SERGEF: variants seen among roughly 807,000 people sequenced by gnomAD.
SERGEF encodes the protein secretion-regulating guanine nucleotide exchange factor.
Under a neutral mutation model 50.0 loss-of-function variants are expected in SERGEF, and 51 were observed. The ratio of observed to expected loss-of-function variants is 1.02; its 90% CI spans 0.81 to 1.29. SERGEF has a LOEUF of 1.29. Among genes scored for constraint, SERGEF ranks in the 50% most tolerant of loss-of-function variants. SERGEF has a pLI of 0.00. For synonymous variants in SERGEF, 205 were observed against 212.4 expected (o/e 0.97, Z 0.30); for missense variants, 521 against 557.0 (o/e 0.94, Z 0.65).
At chr11:17,830,490 A>T (rs1037189129) in intron 10 of SERGEF, among the ~76,000 whole-genome samples, 25 of 151,920 alleles carry the variant, frequency 1.6e-4, no homozygotes, top group African/African-American at 6.0e-4. Context: ...GCATCTGGTG[A>T]GGGCCTTCCT....
chr11:17,998,236 A>AC (rs1853877394), intron 5 of SERGEF, among the ~76,000 whole-genome samples: 1 of 151,138 alleles, frequency 6.6e-6, no homozygotes, highest in South Asian at 2.1e-4. Context: ...ACATACCAAG[A>AC]CCCCATCTCT....
intron 9 of SERGEF, among the ~76,000 whole-genome samples, chr11:17,947,150 T>A (rs1403919653): frequency 6.6e-6 from 1 of 152,168 alleles, no homozygotes; most frequent in East Asian, 1.9e-4. Context: ...CAATAACAAA[T>A]CCCAACCATT....
At chr11:17,876,867 C>A (rs1851244533) in intron 10 of SERGEF, among the ~76,000 whole-genome samples, 1 of 152,216 alleles carries the variant, frequency 6.6e-6, no homozygotes, top group Non-Finnish European at 1.5e-5. Flanking sequence ...TACACCCAGG[C>A]CGAAGCAGTT....
chr11:17,958,680 T>C (rs1194080961), intron 9 of SERGEF, among the ~76,000 whole-genome samples: 3 of 152,158 alleles, frequency 2.0e-5, no homozygotes, highest in African/African-American at 4.8e-5. Flanking sequence ...AGATACCCAA[T>C]GCTCCAGCCA....
Position 17,993,010 on chromosome 11 carries a change from G to A in SERGEF, c.623-17C>T, listed in dbSNP as rs1470577497. 2 of 1,610,152 alleles carry A rather than the reference G, an allele frequency of 1.2e-6. No homozygotes were observed. Among genetic ancestry groups the A allele is most frequent in the African/African-American group, 1.3e-5 (1 of 74,840 alleles). On this transcript the variant is annotated splice_polypyrimidine_tract_variant and intron_variant, in intron 6 of 10. Transcript: ENST00000265965. Reference sequence around the variant, plus strand: ...TCTCTAGACCTACAAAAGAAAAAATGTTCTTCTGAATTACATTTATAACAG... The same window carrying A: ...TCTCTAGACCTACAAAAGAAAAAATATTCTTCTGAATTACATTTATAACAG...
chr11:17,838,991 T>C (rs376599345), intron 10 of SERGEF, among the ~76,000 whole-genome samples: 1 of 152,200 alleles, frequency 6.6e-6, no homozygotes, highest in Non-Finnish European at 1.5e-5. Context: ...TCTCTTAATC[T>C]GAATAAAAGG....
chr11:17,918,811 A>C, intron 9 of SERGEF: 1 of 401,910 alleles, frequency 2.5e-6, no homozygotes, highest in Non-Finnish European at 4.9e-6. Flanking sequence ...GATTAGGCAA[A>C]AAGCACTCCT....
At chr11:17,843,912 A>G (rs549459229) in intron 10 of SERGEF, among the ~76,000 whole-genome samples, 13 of 152,196 alleles carry the variant, frequency 8.5e-5, no homozygotes, top group Non-Finnish European at 1.9e-4. Flanking sequence ...GAAGACAACT[A>G]CTCAAAACCT....
chr11:17,804,494 T>G (rs530419599), intron 10 of SERGEF, among the ~76,000 whole-genome samples: 1 of 152,334 alleles, frequency 6.6e-6, no homozygotes, highest in South Asian at 2.1e-4. Flanking sequence ...ATTCAATCAT[T>G]CATTTATTCA....
At chr11:17,904,091 A>C (rs1851796679) in intron 9 of SERGEF, among the ~76,000 whole-genome samples, 1 of 152,228 alleles carries the variant, frequency 6.6e-6, no homozygotes. Context: ...GGATTGGGAT[A>C]GTAGCAAAGC....
chr11:17,905,219 A>G (rs1851815657), intron 9 of SERGEF, among the ~76,000 whole-genome samples: 1 of 152,256 alleles, frequency 6.6e-6, no homozygotes, highest in South Asian at 2.1e-4. Flanking sequence ...TTTCTCTTCA[A>G]AAGCGAAAGA....
chr11:17,833,653 AC>A (rs1410990860), intron 10 of SERGEF, among the ~76,000 whole-genome samples: 6 of 152,204 alleles, frequency 3.9e-5, no homozygotes, highest in Non-Finnish European at 7.3e-5. Context: ...CTGCAAATCC[AC>A]AGGGGTGGAG....
At chr11:17,951,158 A>G (rs1852766484) in intron 9 of SERGEF, among the ~76,000 whole-genome samples, 2 of 152,316 alleles carry the variant, frequency 1.3e-5, no homozygotes, top group East Asian at 3.9e-4. Flanking sequence ...CGATTAAGAC[A>G]AAACAGCAGC....
At chr11:17,852,601 A>G (rs1485878555) in intron 10 of SERGEF, among the ~76,000 whole-genome samples, 1 of 152,246 alleles carries the variant, frequency 6.6e-6, no homozygotes, top group Non-Finnish European at 1.5e-5. Flanking sequence ...TAAGTGATAA[A>G]AATGTCATAA....
At chr11:17,885,306 C>T (rs770281903) in intron 9 of SERGEF, among the ~76,000 whole-genome samples, 3 of 152,128 alleles carry the variant, frequency 2.0e-5, no homozygotes, top group Non-Finnish European at 4.4e-5. Flanking sequence ...TTCTTCTCAC[C>T]ATAATATCAT....
intron 9 of SERGEF, among the ~76,000 whole-genome samples, chr11:17,948,194 C>G (rs972341562): frequency 3.3e-5 from 5 of 152,102 alleles, no homozygotes; most frequent in African/African-American, 1.2e-4. Flanking sequence ...ACAAGAAATT[C>G]GTTTCCGAAA....
chr11:17,906,170 AGGG>A (rs1851836450), intron 9 of SERGEF, among the ~76,000 whole-genome samples: 1 of 152,170 alleles, frequency 6.6e-6, no homozygotes, highest in African/African-American at 2.4e-5. Flanking sequence ...TAGTTGGAGC[AGGG>A]CACGGGGAGG....
chr11:17,864,673 G>A (rs927217331), intron 10 of SERGEF, among the ~76,000 whole-genome samples: 6 of 152,198 alleles, frequency 3.9e-5, no homozygotes, highest in Admixed American at 1.3e-4. Context: ...ATCTGGGACA[G>A]AGCACTGGTA....
At chr11:17,910,190 C>G (rs2133928837) in intron 9 of SERGEF, among the ~76,000 whole-genome samples, 1 of 121,938 alleles carries the variant, frequency 8.2e-6, no homozygotes, top group African/African-American at 3.0e-5. Context: ...CACACACACA[C>G]ACACTCTCTC....
Sources: allele counts gnomAD v4.1 joint callset (sites outside exome capture counted in the v4.1 genomes callset), GRCh38; gene constraint gnomAD v4.1.1; transcripts MANE v1.5; gene names NCBI Gene and HGNC (gene_info 2026-07-23, HGNC 2026-07-21).